ZRANB3: variants seen among roughly 807,000 people sequenced by gnomAD.
ZRANB3 encodes the protein DNA annealing helicase and endonuclease ZRANB3.
A neutral mutation model predicts 133.8 loss-of-function variants in ZRANB3; 125 were observed. That is an observed-to-expected ratio of 0.93 (90% confidence interval 0.81 to 1.08). The LOEUF is 1.08. ZRANB3 is among the 50% of genes least tolerant of loss of function. The pLI is 0.00. For synonymous variants in ZRANB3, 387 were observed against 432.7 expected (o/e 0.89, Z 1.31); for missense variants, 1,229 against 1,275.5 (o/e 0.96, Z 0.56).
chr2:135,231,269 A>G (rs1694999751), intron 12 of ZRANB3, among the ~76,000 whole-genome samples: 1 of 152,186 alleles, frequency 6.6e-6, no homozygotes, highest in Non-Finnish European at 1.5e-5. Context: ...GAGAGGTAAG[A>G]TAACTTGGTT....
chr2:135,522,384 A>C lies in ZRANB3; in HGVS notation c.-8+8743T>G, dbSNP rs114165428. 3.0e-3 allele frequency among the ~76,000 whole-genome samples: 451 copies of C among 152,260 alleles called. 2 individuals carry two copies. The highest frequency in any genetic ancestry group is 0.01 in the African/African-American group (427 of 41,546). ...CTCCAGTCCCCTGGACTCGCCTTTTAAACTCTTATTCTGTCTCTTTCTAAT... is the reference window on the plus strand; with the variant it reads ...CTCCAGTCCCCTGGACTCGCCTTTTCAACTCTTATTCTGTCTCTTTCTAAT... On this transcript the variant is annotated intron_variant, in intron 1 of 20. Transcript: ENST00000264159.
intron 6 of ZRANB3, among the ~76,000 whole-genome samples, chr2:135,343,349 C>T (rs1288394554): frequency 6.7e-6 from 1 of 149,710 alleles, no homozygotes. Flanking sequence ...AATGTGAATG[C>T]CATTTGCATA....
At chr2:135,498,717 G>C (rs1159410917) in intron 2 of ZRANB3, among the ~76,000 whole-genome samples, 1 of 152,210 alleles carries the variant, frequency 6.6e-6, no homozygotes. Context: ...CCCTGAGAAA[G>C]AGAATGTGTT....
At chr2:135,327,236 G>A (rs757026081) in intron 6 of ZRANB3, among the ~76,000 whole-genome samples, 1 of 152,146 alleles carries the variant, frequency 6.6e-6, no homozygotes, top group Non-Finnish European at 1.5e-5. Context: ...AATGGCCCAA[G>A]GAAATTCAGG....
At chr2:135,447,140 G>A (rs1690057286) in intron 2 of ZRANB3, among the ~76,000 whole-genome samples, 1 of 152,116 alleles carries the variant, frequency 6.6e-6, no homozygotes, top group Non-Finnish European at 1.5e-5. Flanking sequence ...CACCTCCCGG[G>A]TTCAAATGAT....
chr2:135,220,062 A>G (rs971706654), intron 15 of ZRANB3, among the ~76,000 whole-genome samples: 1 of 151,872 alleles, frequency 6.6e-6, no homozygotes, highest in African/African-American at 2.4e-5. Flanking sequence ...TTGTAGAGAC[A>G]GGTTTTCAAC....
At position 135,525,719 on chromosome 2, in the gene ZRANB3, G is replaced by A. The variant is rs1349389907; in HGVS notation, c.-8+5408C>T. Among the ~76,000 whole-genome samples the A allele has an allele frequency of 3.3e-5, 5 of 151,874 alleles. No homozygotes were observed. In the South Asian group the frequency reaches 6.2e-4, roughly 19 times the overall value. ...AAAAATTAGCCGGTCATGGTGGTGC[G>A]TGCCTGTAATCCCAGCTACTCGAGA... On this transcript the variant is annotated intron_variant, in intron 1 of 20. Transcript: ENST00000264159.
At chr2:135,526,098 A>G (rs1694147791) in intron 1 of ZRANB3, among the ~76,000 whole-genome samples, 1 of 152,140 alleles carries the variant, frequency 6.6e-6, no homozygotes, top group African/African-American at 2.4e-5. Context: ...GCAAGATGAA[A>G]AAGTTCTAGA....
chr2:135,407,305 G>A (rs1393720651), intron 2 of ZRANB3, among the ~76,000 whole-genome samples: 5 of 152,054 alleles, frequency 3.3e-5, no homozygotes, highest in Non-Finnish European at 7.4e-5. Flanking sequence ...ACAAACCACT[G>A]CTCAATGAAA....
chr2:135,403,326 G>A (rs1687832739), intron 2 of ZRANB3, among the ~76,000 whole-genome samples: 1 of 152,194 alleles, frequency 6.6e-6, no homozygotes, highest in Non-Finnish European at 1.5e-5. Context: ...TGGCTCGGAG[G>A]GTCCTCCGCC....
intron 2 of ZRANB3, among the ~76,000 whole-genome samples, chr2:135,489,421 C>T (rs1692278557): frequency 6.6e-6 from 1 of 151,296 alleles, no homozygotes; most frequent in Admixed American, 6.6e-5. Context: ...AACTAACCTG[C>T]ACATTGTGCA....
chr2:135,204,678 A>T (rs1199485213), intron 19 of ZRANB3, among the ~76,000 whole-genome samples: 8 of 140,122 alleles, frequency 5.7e-5, no homozygotes, highest in Non-Finnish European at 9.0e-5. Flanking sequence ...TATATATATA[A>T]AATATAAAAA....
chr2:135,400,645 T>C (rs975817767), intron 2 of ZRANB3, among the ~76,000 whole-genome samples: 1 of 152,238 alleles, frequency 6.6e-6, no homozygotes, highest in African/African-American at 2.4e-5. Flanking sequence ...TTTAGGTCAC[T>C]AATTCTTAAA....
chr2:135,455,385 G>A (rs1327398939), intron 2 of ZRANB3, among the ~76,000 whole-genome samples: 3 of 150,328 alleles, frequency 2.0e-5, no homozygotes, highest in African/African-American at 4.9e-5. Context: ...ACGGGGTTTC[G>A]CCACGTTGGC....
chr2:135,210,904 C>T (rs1694070049), intron 17 of ZRANB3, among the ~76,000 whole-genome samples: 1 of 152,034 alleles, frequency 6.6e-6, no homozygotes. Context: ...TGGTGTGTGT[C>T]TGTAATCTCA....
At chr2:135,523,889 A>C (rs1694043952) in intron 1 of ZRANB3, among the ~76,000 whole-genome samples, 1 of 152,214 alleles carries the variant, frequency 6.6e-6, no homozygotes, top group Admixed American at 6.5e-5. Context: ...ATGATTTGGG[A>C]CATGCTGAAT....
intron 4 of ZRANB3, 93 bp from the exon 5 acceptor site, chr2:135,350,308 G>A: frequency 1.2e-6 from 1 of 868,036 alleles, no homozygotes; most frequent in Non-Finnish European, 1.7e-6. Context: ...CAGAGGAGAA[G>A]AAAGAAGAAT....
At position 135,207,888 on chromosome 2, in the gene ZRANB3, T is replaced by C. The variant is rs377198416; in HGVS notation, c.2607-52A>G. 5.5e-4 allele frequency: 833 copies of C among 1,504,290 alleles called. 12 individuals carry two copies. In the South Asian group the frequency reaches 6.8e-3, roughly 12 times the overall value. 93.2% of individuals were successfully genotyped at this position (1,504,290 alleles called of 1,614,324 possible). ...GTAACTAATGAATGATTAGGCTAAA[T>C]AGTAATTGCTTCATATAAAGGTTAT... On this transcript the variant is annotated intron_variant, in intron 18 of 20. Coordinates refer to ENST00000264159, the MANE Select transcript of ZRANB3 (RefSeq NM_032143.4).
chr2:135,224,483 A>G lies in ZRANB3; in HGVS notation c.2193T>C (p.Tyr731=), dbSNP rs1157817246. Residue 731 remains tyrosine, a synonymous_variant, in exon 15 of 21, where the codon TAT becomes TAC. Transcript: ENST00000264159. ...TACTTGCACAGAACATTAAGGTGTC[A>G]TACACTGGCAAAGTGTCTGAACTCT... ...QWKSSDTLPV[Y]DTLMFCASRN... 1 of 1,613,468 alleles carries G rather than the reference A, an allele frequency of 6.2e-7. No individual in the cohort carries two copies.
Sources: allele counts gnomAD v4.1 joint callset (sites outside exome capture counted in the v4.1 genomes callset), GRCh38; gene constraint gnomAD v4.1.1; transcripts MANE v1.5; gene names NCBI Gene and HGNC (gene_info 2026-07-23, HGNC 2026-07-21).